Variants in PTPN3 observed in about 807,000 individuals in gnomAD.
The protein encoded by PTPN3 is tyrosine-protein phosphatase non-receptor type 3.
A neutral mutation model predicts 132.7 loss-of-function variants in PTPN3; 96 were observed. That is an observed-to-expected ratio of 0.72 (90% confidence interval 0.61 to 0.86). PTPN3 has a LOEUF of 0.86. PTPN3 is among the 40% of genes least tolerant of loss of function. The pLI is 0.00. For missense variants in PTPN3, 1,125 were observed against 1,159.6 expected (o/e 0.97, Z 0.43); for synonymous variants, 398 against 429.0 (o/e 0.93, Z 0.89).
chr9:109,385,742 C>T (rs889280713), intron 22 of PTPN3, among the ~76,000 whole-genome samples: 13 of 152,186 alleles, frequency 8.5e-5, no homozygotes, highest in Admixed American at 6.5e-5. Context: ...CAATGGACAA[C>T]GAAGATCACT....
upstream of PTPN3, chr9:109,498,405 C>G (rs888011020): frequency 6.7e-6 from 1 of 148,976 alleles, no homozygotes; most frequent in Non-Finnish European, 1.5e-5. This position sits in a 1 kb window ranked among gnomAD's most constrained non-coding sequence, Gnocchi z 4.2. Flanking sequence ...GGCTGGCCTG[C>G]GGTGTTCTCC....
chr9:109,463,529 C>A (rs1017457624), intron 1 of PTPN3, 78 bp from the exon 2 acceptor site: 7 of 1,331,552 alleles, frequency 5.3e-6, no homozygotes, highest in Middle Eastern at 1.9e-4. Flanking sequence ...CCTGTCAGAT[C>A]CCATCCTCTC....
chr9:109,441,414 G>A (rs1344843426), intron 7 of PTPN3, among the ~76,000 whole-genome samples: 1 of 152,114 alleles, frequency 6.6e-6, no homozygotes, highest in African/African-American at 2.4e-5. Context: ...TCTTAGAGGC[G>A]GTTCTCAGGG....
At chr9:109,390,384 C>G (rs1038773795) in intron 21 of PTPN3, among the ~76,000 whole-genome samples, 1 of 152,172 alleles carries the variant, frequency 6.6e-6, no homozygotes, top group African/African-American at 2.4e-5. Context: ...CTAAGAGCGG[C>G]TTTTAATCTT....
In PTPN3 at chr9:109,438,184, C is replaced by T. The variant is rs772217385; in HGVS notation, c.517G>A (p.Asp173Asn). Residue 173 changes from aspartate to asparagine, a missense_variant, in exon 8 of 26, where the codon GAT (aspartate) becomes AAT (asparagine). Physicochemically the swap from Asp to Asn is conservative, Grantham distance 23. Transcript: ENST00000374541. ...SSIHHPGYLS[D>N]SHFIPDQNED... Reference sequence around the variant, plus strand: ...TTTTGATCGGGTATAAAGTGACTATCGGAAAGATAGCCTGGATGATGTATG... The same window carrying T: ...TTTTGATCGGGTATAAAGTGACTATTGGAAAGATAGCCTGGATGATGTATG... 18 of 1,613,276 alleles carry T rather than the reference C, an allele frequency of 1.1e-5. No homozygotes were observed. In the East Asian group the frequency reaches 1.6e-4, roughly 14 times the overall value.
At chr9:109,446,172 G>A (rs1196644491) in intron 6 of PTPN3, among the ~76,000 whole-genome samples, 1 of 152,172 alleles carries the variant, frequency 6.6e-6, no homozygotes, top group Non-Finnish European at 1.5e-5. Flanking sequence ...TGAAGGGTGG[G>A]GAGGTCTCTG....
At chr9:109,533,054 C>T in the PTPN3 span, 1 of 259,278 alleles carries the variant, frequency 3.9e-6, no homozygotes, top group Non-Finnish European at 6.6e-6. Flanking sequence ...TTCCCGGGTT[C>T]AGGCAATTCT....
intron 12 of PTPN3, 80 bp from the exon 13 acceptor site, chr9:109,422,932 A>G: frequency 4.6e-6 from 7 of 1,516,374 alleles, no homozygotes; most frequent in East Asian, 2.3e-5. Context: ...AACAGTCTAC[A>G]CATGCTTCTT....
intron 10 of PTPN3, among the ~76,000 whole-genome samples, chr9:109,430,476 T>C (rs1258504158): frequency 6.6e-6 from 1 of 152,072 alleles, no homozygotes; most frequent in Non-Finnish European, 1.5e-5. Flanking sequence ...TGCACAGACA[T>C]GAACTCTTGT....
At chr9:109,482,725 C>T (rs1564481410) in intron 1 of PTPN3, among the ~76,000 whole-genome samples, 1 of 152,148 alleles carries the variant, frequency 6.6e-6, no homozygotes, top group Non-Finnish European at 1.5e-5. Context: ...CTCTGCAATG[C>T]TCTGGCCTTT....
At chr9:109,526,131 C>A in the PTPN3 span, among the ~76,000 whole-genome samples, 1 of 152,002 alleles carries the variant, frequency 6.6e-6, no homozygotes, top group African/African-American at 2.4e-5. Context: ...ACAAAAGCCA[C>A]AAAATATTTA....
chr9:109,411,306 C>G (rs1047988020), intron 14 of PTPN3, among the ~76,000 whole-genome samples: 1 of 152,202 alleles, frequency 6.6e-6, no homozygotes, highest in Non-Finnish European at 1.5e-5. Context: ...GGTCACATGG[C>G]TTTCCCCCGG....
At chr9:109,493,474 T>G (rs1028316267) in intron 1 of PTPN3, among the ~76,000 whole-genome samples, 2 of 152,192 alleles carry the variant, frequency 1.3e-5, no homozygotes, top group Non-Finnish European at 2.9e-5. Flanking sequence ...AAACATTTAC[T>G]AAAAGCTTGT....
rs1838504522 is a variant in PTPN3 at position 109,375,726 on chromosome 9, G to C, written c.*3830C>G. ...TGCATAGCTTGAACATTTTTATATT[G>C]ATTAAATTGTTTTTCAGTAGAATCA... On this transcript the variant is annotated 3_prime_UTR_variant, in exon 26 of 26. Coordinates refer to ENST00000374541, the MANE Select transcript of PTPN3 (RefSeq NM_002829.4). 6.6e-6 allele frequency: 1 copy of C among 152,202 alleles called. No individual in the cohort carries two copies. Among genetic ancestry groups the C allele is most frequent in the Non-Finnish European group, 1.5e-5 (1 of 68,030 alleles). 9.4% of individuals were successfully genotyped at this position (152,202 alleles called of 1,614,324 possible).
chr9:109,460,978 A>G (rs1255528721), intron 2 of PTPN3, among the ~76,000 whole-genome samples: 2 of 152,212 alleles, frequency 1.3e-5, no homozygotes, highest in Non-Finnish European at 2.9e-5. Flanking sequence ...AAGAGGATAA[A>G]CGGTTAAAGA....
chr9:109,445,360 T>C (rs1163707235), intron 6 of PTPN3, 68 bp from the exon 7 acceptor site: 4 of 1,364,780 alleles, frequency 2.9e-6, no homozygotes, highest in African/African-American at 1.4e-5. Context: ...TGACAGATCA[T>C]GCGTAGTAAC....
chr9:109,497,606 G>C (rs1297924925), intron 1 of PTPN3, among the ~76,000 whole-genome samples: 3 of 152,180 alleles, frequency 2.0e-5, no homozygotes, highest in East Asian at 1.9e-4. Context: ...GGAATTTCGG[G>C]GGGGCTGGGC....
intron 2 of PTPN3, among the ~76,000 whole-genome samples, chr9:109,460,040 TACC>T (rs1564463126): frequency 6.6e-6 from 1 of 152,110 alleles, no homozygotes; most frequent in Non-Finnish European, 1.5e-5. Flanking sequence ...TTCTATCTCG[TACC>T]ATTCCTATAC....
intron 1 of PTPN3, among the ~76,000 whole-genome samples, chr9:109,482,420 TAAAAC>T (rs1232835995): frequency 1.3e-5 from 2 of 152,224 alleles, no homozygotes; most frequent in Non-Finnish European, 2.9e-5. Flanking sequence ...CGCAACTAAT[TAAAAC>T]AAAGGAATCT....
Sources: gnomAD v4.1 joint callset for allele counts (sites outside exome capture counted in the v4.1 genomes callset) on GRCh38, gnomAD v4.1.1 for gene constraint, Gnocchi (gnomAD v3.1) non-coding constraint, MANE v1.5 for transcripts, NCBI Gene and HGNC (gene_info 2026-07-23, HGNC 2026-07-21) for gene names.